The following UBE4B variants were observed in gnomAD, a reference collection of about 807,000 sequenced individuals.
UBE4B encodes ubiquitin conjugation factor E4 B.
In UBE4B, 27 loss-of-function variants were observed where a neutral mutation model predicts 148.1. The observed-to-expected ratio is 0.18, with a 90% CI of 0.13 to 0.25. UBE4B has a LOEUF of 0.25. Among genes scored for constraint, UBE4B ranks in the 10% least tolerant of loss-of-function variants. UBE4B has a pLI of 1.00. For synonymous variants in UBE4B, 596 were observed against 619.3 expected (o/e 0.96, Z 0.56); for missense variants, 1,170 against 1,662.4 (o/e 0.70, Z 5.15).
chr1:10,061,699 C>A (rs1157954373), intron 1 of UBE4B, among the ~76,000 whole-genome samples: 1 of 152,084 alleles, frequency 6.6e-6, no homozygotes, highest in African/African-American at 2.4e-5. Flanking sequence ...TGGACCCCTG[C>A]CCCAGGTATT....
At chr1:10,132,087 A>C (rs1445470970) in intron 14 of UBE4B, among the ~76,000 whole-genome samples, 7 of 152,076 alleles carry the variant, frequency 4.6e-5, no homozygotes, top group Non-Finnish European at 7.4e-5. Context: ...CTGAGATTGC[A>C]CCACTGCACT....
At chr1:10,155,064 GGAGAGA>G (rs112077178) in intron 21 of UBE4B, among the ~76,000 whole-genome samples, 18 of 149,230 alleles carry the variant, frequency 1.2e-4, no homozygotes, top group African/African-American at 3.7e-4. Context: ...TGTGGCTTCA[GGAGAGA>G]GAGAGAGAGA....
intron 7 of UBE4B, among the ~76,000 whole-genome samples, chr1:10,112,270 C>A (rs985741636): frequency 5.9e-5 from 9 of 152,150 alleles, no homozygotes; most frequent in Non-Finnish European, 1.3e-4. Flanking sequence ...TTTCTAGATG[C>A]TCTTAGGACT....
intron 10 of UBE4B, among the ~76,000 whole-genome samples, chr1:10,125,445 T>C (rs539932729): frequency 6.6e-6 from 1 of 152,348 alleles, no homozygotes; most frequent in South Asian, 2.1e-4. Flanking sequence ...GAATGATCTC[T>C]TCCAGAGCTG....
chr1:10,062,024 C>T (rs530998402), intron 1 of UBE4B, among the ~76,000 whole-genome samples: 15 of 151,554 alleles, frequency 9.9e-5, no homozygotes, highest in Non-Finnish European at 1.8e-4. Context: ...TTTCTTCTGC[C>T]TCAGCTTCCT....
In UBE4B at chr1:10,139,354, G is replaced by A. The variant is rs1246933945; in HGVS notation, c.2363+2149G>A. 2.6e-5 allele frequency among the ~76,000 whole-genome samples: 4 copies of A among 151,840 alleles called. No homozygotes were observed. In the South Asian group the frequency reaches 6.2e-4, roughly 24 times the overall value. On this transcript the variant is annotated intron_variant, in intron 17 of 27. Coordinates refer to ENST00000343090, the MANE Select transcript of UBE4B (RefSeq NM_001105562.3). ...TGTAGTGAGCCAAGACCGAGCCACTGTACTCCAGCCTGAGCAAGAGTGAGA... is the reference window on the plus strand; with the variant it reads ...TGTAGTGAGCCAAGACCGAGCCACTATACTCCAGCCTGAGCAAGAGTGAGA...
intron 1 of UBE4B, among the ~76,000 whole-genome samples, chr1:10,051,070 TATC>T (rs775172540): frequency 2.0e-5 from 3 of 152,174 alleles, no homozygotes; most frequent in Admixed American, 6.6e-5. Flanking sequence ...GCAGTGGCAT[TATC>T]ATAGCTCACT....
At chr1:10,120,663 C>T (rs1342464756) in intron 9 of UBE4B, among the ~76,000 whole-genome samples, 1 of 151,226 alleles carries the variant, frequency 6.6e-6, no homozygotes, top group African/African-American at 2.4e-5. Context: ...ATGGTGAAAC[C>T]CTATCTCTAC....
At chr1:10,150,552 T>C (rs1645953002) in intron 20 of UBE4B, among the ~76,000 whole-genome samples, 1 of 152,212 alleles carries the variant, frequency 6.6e-6, no homozygotes, top group Non-Finnish European at 1.5e-5. Context: ...TTTAAATCTG[T>C]CTTGTTACAG....
chr1:10,056,221 T>C (rs1239930792), intron 1 of UBE4B, among the ~76,000 whole-genome samples: 1 of 152,176 alleles, frequency 6.6e-6, no homozygotes, highest in East Asian at 1.9e-4. Context: ...AATTTCACAA[T>C]TAGATGACAC....
intron 2 of UBE4B, among the ~76,000 whole-genome samples, chr1:10,076,191 C>T (rs193093765): frequency 6.6e-5 from 10 of 151,344 alleles, no homozygotes; most frequent in South Asian, 2.1e-4. Context: ...TATTATCCAC[C>T]GAATGTGATT....
rs1175733084 is a variant in UBE4B at position 10,130,564 on chromosome 1, G to C, written c.1760G>C (p.Arg587Thr). The C allele has an allele frequency of 3.1e-6, 5 of 1,614,098 alleles. No homozygotes were observed. The highest frequency in any genetic ancestry group is 4.2e-6 in the Non-Finnish European group (5 of 1,180,060). Residue 587 changes from arginine to threonine, a missense_variant, in exon 13 of 28, where the codon AGA (arginine) becomes ACA (threonine). Around this residue, in one of 6 missense-constraint regions of UBE4B, gnomAD observed 388 missense variants for 536.0 expected, o/e 0.72. Transcript: ENST00000343090. ...LSPGCGRELQRLSYLGAFFSF... is the reference protein window; with the variant it reads ...LSPGCGRELQTLSYLGAFFSF... ...CCTGGCTGTGGGCGGGAGCTGCAGAGACTCTCTTACTTAGGGGCTTTCTTT... is the reference window on the plus strand; with the variant it reads ...CCTGGCTGTGGGCGGGAGCTGCAGACACTCTCTTACTTAGGGGCTTTCTTT...
chr1:10,137,234 T>G (rs377331546), intron 17 of UBE4B, 29 bp downstream of exon 17: 80 of 1,612,446 alleles, frequency 5.0e-5, no homozygotes, highest in Middle Eastern at 5.0e-4. Flanking sequence ...TGTCCTGGGA[T>G]TGCCTGAGTT....
chr1:10,130,995 C>T (rs996105797), intron 14 of UBE4B, among the ~76,000 whole-genome samples, 182 bp downstream of exon 14: 5 of 152,210 alleles, frequency 3.3e-5, no homozygotes, highest in African/African-American at 7.2e-5. Context: ...GTTGTAACAA[C>T]AGCAGTATGC....
chr1:10,033,560 A>T lies in UBE4B; in HGVS notation c.-111A>T. 1 of 1,282,416 alleles carries T rather than the reference A, an allele frequency of 7.8e-7. No homozygotes were observed. Among genetic ancestry groups the T allele is most frequent in the Non-Finnish European group, 1.0e-6 (1 of 967,298 alleles). The allele number at this position is 1,282,416 out of a possible 1,614,324, so 79.4% of individuals were successfully genotyped here. ...ACTATGCAATTCTGAAACCTCCCCCATTCGGGGGACCAGACAGCCTGATAG... is the reference window on the plus strand; with the variant it reads ...ACTATGCAATTCTGAAACCTCCCCCTTTCGGGGGACCAGACAGCCTGATAG... On this transcript the variant is annotated 5_prime_UTR_variant, in exon 1 of 28. Transcript: ENST00000343090.
At chr1:10,100,738 G>C (rs1644996894) in intron 3 of UBE4B, 1 of 186,206 alleles carries the variant, frequency 5.4e-6, no homozygotes, top group African/African-American at 2.4e-5. Context: ...ATTTTTAGTA[G>C]AGATGGGGTT....
Position 10,161,420 on chromosome 1 carries a change from A to AT in UBE4B, c.3198+135dup, listed in dbSNP as rs749676551. The stretch of plus-strand genomic sequence containing the variant: ...CATGCTGGGATTTTCCTTCCATGAA[A>AT]TCATATTGCAGGATTGGAATAGGAA... On this transcript the variant is annotated intron_variant, in intron 23 of 27. Coordinates refer to ENST00000343090, the MANE Select transcript of UBE4B (RefSeq NM_001105562.3). This position sits in a 1 kb window ranked among gnomAD's most constrained non-coding sequence, Gnocchi z 4.1. 238 of 1,071,874 alleles carry AT rather than the reference A, an allele frequency of 2.2e-4. No homozygotes were observed. Among genetic ancestry groups the AT allele is most frequent in the Non-Finnish European group, 2.9e-4 (229 of 777,320 alleles). 66.4% of individuals were successfully genotyped at this position (1,071,874 alleles called of 1,614,324 possible).
At chr1:10,151,600 A>C in intron 21 of UBE4B, 39 bp downstream of exon 21, 2 of 1,566,566 alleles carry the variant, frequency 1.3e-6, no homozygotes, top group Non-Finnish European at 8.7e-7. Context: ...TGGCAGGCCA[A>C]CTTAGGTAAG....
chr1:10,172,158 A>G lies in UBE4B; in HGVS notation c.3525+829A>G, dbSNP rs145996319. Among the ~76,000 whole-genome samples, 902 of 152,150 alleles carry G rather than the reference A, an allele frequency of 5.9e-3. 9 individuals carry two copies. Among genetic ancestry groups the G allele is most frequent in the African/African-American group, 0.02 (813 of 41,492 alleles). On this transcript the variant is annotated intron_variant, in intron 25 of 27. Transcript: ENST00000343090. ...TCCTTTATTCCGTGGGTCTCCTGTG[A>G]GCAGATCTGTCTGTGTGTGCTTCAT...
Sources: gnomAD v4.1 joint callset for allele counts (sites outside exome capture counted in the v4.1 genomes callset) on GRCh38, gnomAD v4.1.1 for gene constraint, gnomAD v4.1.1 regional missense constraint, Gnocchi (gnomAD v3.1) non-coding constraint, MANE v1.5 for transcripts, NCBI Gene and HGNC (gene_info 2026-07-23, HGNC 2026-07-21) for gene names.